CCDC85A: variants seen among roughly 807,000 people sequenced by gnomAD.
The protein encoded by CCDC85A is coiled-coil domain containing 85A, also known as coiled-coil domain-containing protein 85A.
A neutral mutation model predicts 50.2 loss-of-function variants in CCDC85A; 38 were observed. The observed-to-expected ratio is 0.76, with a 90% CI of 0.58 to 0.99. CCDC85A has a LOEUF of 0.99. CCDC85A is among the 50% of genes least tolerant of loss of function. CCDC85A has a pLI of 0.00. For synonymous variants in CCDC85A, 366 were observed against 301.4 expected (o/e 1.21, Z -2.22); for missense variants, 820 against 742.0 (o/e 1.11, Z -1.22).
At chr2:56,304,930 AC>A in intron 2 of CCDC85A, among the ~76,000 whole-genome samples, 2 of 146,060 alleles carry the variant, frequency 1.4e-5, no homozygotes, top group Non-Finnish European at 1.5e-5. Flanking sequence ...AAACAAACAA[AC>A]AAACAAAAAA....
chr2:56,313,611 C>G (rs865872272), intron 2 of CCDC85A, among the ~76,000 whole-genome samples: 62 of 152,248 alleles, frequency 4.1e-4, no homozygotes, highest in African/African-American at 1.5e-3. Context: ...TTTTGCCAAA[C>G]GTTTACTGCT....
intron 2 of CCDC85A, among the ~76,000 whole-genome samples, chr2:56,335,114 A>C (rs759434106): frequency 6.6e-6 from 1 of 152,222 alleles, no homozygotes; most frequent in African/African-American, 2.4e-5. Flanking sequence ...TTTTTAAAAT[A>C]AGAAAAGCGT....
chr2:56,372,166 T>C (rs1676105184), intron 3 of CCDC85A, among the ~76,000 whole-genome samples, 178 bp from the exon 4 acceptor site: 1 of 152,202 alleles, frequency 6.6e-6, no homozygotes, highest in African/African-American at 2.4e-5. Flanking sequence ...TTAGGTCTAA[T>C]ATGTAGGACT....
At chr2:56,270,517 T>A (rs1297849325) in intron 2 of CCDC85A, among the ~76,000 whole-genome samples, 2 of 152,214 alleles carry the variant, frequency 1.3e-5, no homozygotes, top group Non-Finnish European at 2.9e-5. Flanking sequence ...AGGTATCTGC[T>A]ATATTATGTA....
chr2:56,378,574 C>T (rs922012179), intron 5 of CCDC85A, among the ~76,000 whole-genome samples: 2 of 152,156 alleles, frequency 1.3e-5, no homozygotes, highest in Non-Finnish European at 2.9e-5. Context: ...GGTAAATTAA[C>T]TGTAATCTGA....
At chr2:56,308,259 C>T (rs1456896653) in intron 2 of CCDC85A, among the ~76,000 whole-genome samples, 1 of 152,180 alleles carries the variant, frequency 6.6e-6, no homozygotes, top group Non-Finnish European at 1.5e-5. Flanking sequence ...CTGTCTGTCC[C>T]TCTATAGAGA....
chr2:56,212,432 C>T (rs956337755), intron 2 of CCDC85A, among the ~76,000 whole-genome samples: 1 of 151,876 alleles, frequency 6.6e-6, no homozygotes, highest in African/African-American at 2.4e-5. Context: ...TGTCGAATGG[C>T]AGTGTTCAGA....
rs1365224324 is a variant in CCDC85A, at chr2:56,184,610, C to G, written c.-15C>G. The G allele has an allele frequency of 2.1e-6, 3 of 1,412,782 alleles. No individual in the cohort carries two copies. Among genetic ancestry groups the G allele is most frequent in the Middle Eastern group, 2.6e-4 (1 of 3,830 alleles). 87.5% of individuals were successfully genotyped at this position (1,412,782 alleles called of 1,614,324 possible). Reference sequence around the variant, plus strand: ...GCCTCTTCCACCCACTTGCACCTGCCACCCCGCGGATACCATGTCGAAGGC... The same window carrying G: ...GCCTCTTCCACCCACTTGCACCTGCGACCCCGCGGATACCATGTCGAAGGC... On this transcript the variant is annotated 5_prime_UTR_variant, in exon 1 of 6. Coordinates refer to ENST00000407595, the MANE Select transcript of CCDC85A (RefSeq NM_001080433.2).
intron 2 of CCDC85A, among the ~76,000 whole-genome samples, chr2:56,249,390 G>T (rs1305712868): frequency 6.6e-6 from 1 of 152,244 alleles, no homozygotes; most frequent in African/African-American, 2.4e-5. Flanking sequence ...ATGCTAGAAG[G>T]CAGGGAAGCT....
chr2:56,198,614 G>A (rs1676618770), intron 2 of CCDC85A, among the ~76,000 whole-genome samples: 1 of 152,116 alleles, frequency 6.6e-6, no homozygotes, highest in Non-Finnish European at 1.5e-5. Context: ...AATATAGTTT[G>A]TTTAAGAAAA....
intron 3 of CCDC85A, among the ~76,000 whole-genome samples, chr2:56,367,484 A>C (rs1343317292): frequency 6.6e-6 from 1 of 152,156 alleles, no homozygotes; most frequent in African/African-American, 2.4e-5. Context: ...TTCCCAACAT[A>C]GTTCTCTTTC....
chr2:56,294,510 C>T (rs1263792794), intron 2 of CCDC85A, among the ~76,000 whole-genome samples: 1 of 152,144 alleles, frequency 6.6e-6, no homozygotes, highest in Non-Finnish European at 1.5e-5. Flanking sequence ...ATGGTTAAGG[C>T]CAGTGTTATG....
At chr2:56,330,991 G>C (rs1265127443) in intron 2 of CCDC85A, among the ~76,000 whole-genome samples, 1 of 151,700 alleles carries the variant, frequency 6.6e-6, no homozygotes, top group African/African-American at 2.4e-5. Flanking sequence ...ATCAGTGGAT[G>C]ATTGAATAAA....
At chr2:56,376,469 A>G (rs1248366377) in intron 5 of CCDC85A, among the ~76,000 whole-genome samples, 4 of 152,166 alleles carry the variant, frequency 2.6e-5, no homozygotes. Context: ...TAGAAAACAG[A>G]TATATGGTGT....
intron 4 of CCDC85A, among the ~76,000 whole-genome samples, chr2:56,375,414 A>G (rs1000228049): frequency 5.3e-5 from 8 of 152,220 alleles, no homozygotes; most frequent in Admixed American, 3.9e-4. Flanking sequence ...CAACACAAGA[A>G]TGTGATGTGT....
At position 56,378,194 on chromosome 2, in the gene CCDC85A, A is replaced by C. The variant is rs548179771; in HGVS notation, c.1572+2259A>C. ...AGCCAGCTGTCTAGAGCTGATTTAT[A>C]TCATGAGATATGTCTATTGTGAAAA... On this transcript the variant is annotated intron_variant, in intron 5 of 5. Coordinates refer to ENST00000407595, the MANE Select transcript of CCDC85A (RefSeq NM_001080433.2). 5.9e-5 allele frequency among the ~76,000 whole-genome samples: 9 copies of C among 152,334 alleles called. No individual in the cohort carries two copies. In the South Asian group the frequency reaches 1.9e-3, roughly 32 times the overall value.
At chr2:56,302,614 G>A (rs1316016408) in intron 2 of CCDC85A, among the ~76,000 whole-genome samples, 5 of 152,286 alleles carry the variant, frequency 3.3e-5, no homozygotes, top group African/African-American at 1.2e-4. Flanking sequence ...TTTAGCACAA[G>A]AGATATGGAT....
chr2:56,275,050 C>G (rs1050367284), intron 2 of CCDC85A, among the ~76,000 whole-genome samples: 4 of 152,120 alleles, frequency 2.6e-5, no homozygotes, highest in African/African-American at 9.7e-5. Context: ...TGATTACCTC[C>G]CAAAGGCTTC....
Position 56,380,559 on chromosome 2 carries a change from C to CA in CCDC85A, c.1573-3696dup, listed in dbSNP as rs1376336014. Among the ~76,000 whole-genome samples, 715 of 125,288 alleles carry CA rather than the reference C, an allele frequency of 5.7e-3. 5 individuals carry two copies. The highest frequency in any genetic ancestry group is 0.017 in the African/African-American group (593 of 34,270). The allele number at this position is 125,288 out of a possible 152,430, so 82.2% of individuals were successfully genotyped here. ...TGGGCAACAGAATGAGACCCTGTCT[C>CA]AAAAAAAAAAACAACAACAACAGGA... On this transcript the variant is annotated intron_variant, in intron 5 of 5. Coordinates refer to ENST00000407595, the MANE Select transcript of CCDC85A (RefSeq NM_001080433.2).
Sources: allele counts gnomAD v4.1 joint callset (sites outside exome capture counted in the v4.1 genomes callset), GRCh38; gene constraint gnomAD v4.1.1; transcripts MANE v1.5; gene names NCBI Gene and HGNC (gene_info 2026-07-23, HGNC 2026-07-21).